Variants in KCNK1 observed in about 807,000 individuals in gnomAD.
KCNK1 encodes potassium channel subfamily K member 1.
KCNK1 carries 10 observed loss-of-function variants against 22.2 expected under a neutral mutation model. The observed-to-expected ratio is 0.45, with a 90% CI of 0.28 to 0.76. The LOEUF is 0.76. Ranked by LOEUF, KCNK1 falls within the 30% of genes least tolerant of loss-of-function variation. The pLI, the probability that KCNK1 is intolerant of heterozygous loss-of-function variation, is 0.14. For synonymous variants in KCNK1, 200 were observed against 186.4 expected (o/e 1.07, Z -0.60); for missense variants, 378 against 421.0 (o/e 0.90, Z 0.89).
intron 1 of KCNK1, among the ~76,000 whole-genome samples, chr1:233,665,938 A>G (rs1320301928): frequency 6.6e-6 from 1 of 152,226 alleles, no homozygotes; most frequent in Non-Finnish European, 1.5e-5. Flanking sequence ...GTCTTTTTCT[A>G]AGATGGAGTT....
At chr1:233,616,606 C>T (rs1452453224) in intron 1 of KCNK1, among the ~76,000 whole-genome samples, 1 of 152,106 alleles carries the variant, frequency 6.6e-6, no homozygotes, top group East Asian at 1.9e-4. Flanking sequence ...GAAAAAGGTG[C>T]CTCTTGGTTT....
chr1:233,647,294 TAATG>T (rs1658116342), intron 1 of KCNK1, among the ~76,000 whole-genome samples: 2 of 152,336 alleles, frequency 1.3e-5, no homozygotes, highest in South Asian at 4.1e-4. Flanking sequence ...TGTTCTGGTT[TAATG>T]AATCACAGCT....
chr1:233,669,130 T>A (rs534984399), intron 2 of KCNK1, among the ~76,000 whole-genome samples: 1 of 152,340 alleles, frequency 6.6e-6, no homozygotes, highest in East Asian at 1.9e-4. Flanking sequence ...TTTTTGTGTA[T>A]GTGAGTTTGA....
chr1:233,617,992 T>G (rs1469307449), intron 1 of KCNK1, among the ~76,000 whole-genome samples: 7 of 152,200 alleles, frequency 4.6e-5, no homozygotes, highest in Non-Finnish European at 1.5e-5. Flanking sequence ...TGGAGGAATT[T>G]AGCAAGGCCT....
At chr1:233,658,282 A>G (rs1381729105) in intron 1 of KCNK1, among the ~76,000 whole-genome samples, 1 of 152,232 alleles carries the variant, frequency 6.6e-6, no homozygotes, top group Non-Finnish European at 1.5e-5. Flanking sequence ...AAAATAAATA[A>G]TTATATGTGT....
At chr1:233,626,288 C>T (rs1048073993) in intron 1 of KCNK1, among the ~76,000 whole-genome samples, 4 of 152,004 alleles carry the variant, frequency 2.6e-5, no homozygotes, top group Non-Finnish European at 5.9e-5. Flanking sequence ...GAGCCCCTGG[C>T]AATGTGGTTC....
chr1:233,630,667 GTCT>G (rs1280301695), intron 1 of KCNK1: 1 of 152,334 alleles, frequency 6.6e-6, no homozygotes, highest in Non-Finnish European at 1.5e-5. Context: ...CACTTGCGAA[GTCT>G]TCTTTTCCTT....
At chr1:233,625,701 G>A (rs892142011) in intron 1 of KCNK1, among the ~76,000 whole-genome samples, 1 of 152,072 alleles carries the variant, frequency 6.6e-6, no homozygotes, top group African/African-American at 2.4e-5. Flanking sequence ...TGGTGAAGGG[G>A]GCAGAGTCCA....
Position 233,670,030 on chromosome 1 carries a change from C to CTTCTCAAATG in KCNK1, c.752-1238_752-1229dup, listed in dbSNP as rs1387774852. 2.2e-4 allele frequency among the ~76,000 whole-genome samples: 33 copies of CTTCTCAAATG among 152,176 alleles called. 1 individual carries two copies. The highest frequency in any genetic ancestry group is 1.3e-3 in the Admixed American group (20 of 15,276). ...CCTACTTCATACATTTTCGAAAATC[C>CTTCTCAAATG]TTCTCAAATGTTTTACCACTGGGAC... On this transcript the variant is annotated intron_variant, in intron 2 of 2. Transcript: ENST00000366621.
At chr1:233,635,008 A>G (rs1488235889) in intron 1 of KCNK1, among the ~76,000 whole-genome samples, 1 of 152,208 alleles carries the variant, frequency 6.6e-6, no homozygotes, top group Non-Finnish European at 1.5e-5. Context: ...AAGAAAGAAG[A>G]GTGTTTACTT....
At chr1:233,637,710 C>T (rs1657925816) in intron 1 of KCNK1, among the ~76,000 whole-genome samples, 1 of 152,122 alleles carries the variant, frequency 6.6e-6, no homozygotes, top group Non-Finnish European at 1.5e-5. Context: ...ATTCTGCTTT[C>T]TGGTGCAATG....
intron 2 of KCNK1, among the ~76,000 whole-genome samples, chr1:233,668,425 G>A (rs1230431460): frequency 2.0e-5 from 3 of 152,074 alleles, no homozygotes; most frequent in Non-Finnish European, 4.4e-5. Flanking sequence ...ATACAAGTTC[G>A]ACAGACTTTT....
chr1:233,654,597 A>G (rs1216635166), intron 1 of KCNK1, among the ~76,000 whole-genome samples: 1 of 152,152 alleles, frequency 6.6e-6, no homozygotes, highest in African/African-American at 2.4e-5. Flanking sequence ...AGATTTGGAA[A>G]ATTCTCACCC....
At position 233,666,827 on chromosome 1, in the gene KCNK1, C is replaced by A. The variant is rs1054535351; in HGVS notation, c.588C>A (p.Phe196Leu). 6 of 1,614,212 alleles carry A rather than the reference C, an allele frequency of 3.7e-6. No individual in the cohort carries two copies. In the East Asian group the frequency reaches 1.1e-4, roughly 30 times the overall value. Residue 196 changes from phenylalanine (F) to leucine (L), a missense_variant, in exon 2 of 3, where the codon TTC becomes TTA. Transcript: ENST00000366621. ...GGTTTGTCACTGTGTCCTGCTTCTT[C>A]TTCATCCCGGCCGCTGTCTTCTCAG... Reference protein sequence around the residue: ...LLGFVTVSCFFFIPAAVFSVL... With the variant: ...LLGFVTVSCFLFIPAAVFSVL...
chr1:233,655,936 A>G (rs1341094067), intron 1 of KCNK1: 1 of 152,018 alleles, frequency 6.6e-6, no homozygotes, highest in African/African-American at 2.4e-5. Flanking sequence ...TGCCAAGGGC[A>G]TACTGGACAG....
chr1:233,636,801 G>A (rs1212562270), intron 1 of KCNK1, among the ~76,000 whole-genome samples: 2 of 151,920 alleles, frequency 1.3e-5, no homozygotes, highest in African/African-American at 2.4e-5. Flanking sequence ...GGCATTGAAG[G>A]CAGCAGGGGG....
rs1403952832 is a variant in KCNK1, at chr1:233,614,570, C to T, written c.355+44C>T. The T allele has an allele frequency of 4.1e-6, 6 of 1,455,710 alleles. No homozygotes were observed. In the South Asian group the frequency reaches 5.4e-5, roughly 13 times the overall value. 90.2% of individuals were successfully genotyped at this position (1,455,710 alleles called of 1,614,324 possible). On this transcript the variant is annotated intron_variant, in intron 1 of 2. Transcript: ENST00000366621. ...CCCCTGGCCGCCCCGGCCACCTCGC[C>T]CACAACCCACACACCCCGGCCCCGG...
At chr1:233,621,162 C>A (rs911415598) in intron 1 of KCNK1, among the ~76,000 whole-genome samples, 2 of 152,116 alleles carry the variant, frequency 1.3e-5, no homozygotes, top group African/African-American at 4.8e-5. Context: ...CTCAGTATTT[C>A]AAAATGTGAC....
At chr1:233,658,466 C>G (rs1478881473) in intron 1 of KCNK1, among the ~76,000 whole-genome samples, 1 of 151,930 alleles carries the variant, frequency 6.6e-6, no homozygotes, top group Non-Finnish European at 1.5e-5. Flanking sequence ...AAGGAAAAAC[C>G]TACATATTAA....
Sources: gnomAD v4.1 joint callset for allele counts (sites outside exome capture counted in the v4.1 genomes callset) on GRCh38, gnomAD v4.1.1 for gene constraint, MANE v1.5 for transcripts, NCBI Gene and HGNC (gene_info 2026-07-23, HGNC 2026-07-21) for gene names.